Variants in DIP2C observed in about 807,000 individuals in gnomAD.
DIP2C encodes the protein DIP2 acetate--CoA ligase C (putative).
Under a neutral mutation model 192.4 loss-of-function variants are expected in DIP2C, and 33 were observed. That is an observed-to-expected ratio of 0.17 (90% CI 0.13 to 0.23). DIP2C has a LOEUF of 0.23. Among genes scored for constraint, DIP2C ranks in the 10% least tolerant of loss-of-function variants. The pLI is 1.00. For synonymous variants in DIP2C, 979 were observed against 864.1 expected (o/e 1.13, Z -2.33); for missense variants, 1,537 against 2,110.1 (o/e 0.73, Z 5.32).
At chr10:681,478 C>T (rs1466409095) in intron 1 of DIP2C, among the ~76,000 whole-genome samples, 1 of 151,808 alleles carries the variant, frequency 6.6e-6, no homozygotes, top group African/African-American at 2.4e-5. Context: ...GAACATAGAC[C>T]CCAGTCCCAT....
chr10:613,119 G>A (rs72774581), intron 1 of DIP2C, among the ~76,000 whole-genome samples: 7 of 152,150 alleles, frequency 4.6e-5, no homozygotes, highest in East Asian at 1.9e-4. Flanking sequence ...TGACTGCCTC[G>A]TCTGCAAAAA....
intron 1 of DIP2C, among the ~76,000 whole-genome samples, chr10:530,724 T>C (rs1387657631): frequency 6.6e-6 from 1 of 150,784 alleles, no homozygotes; most frequent in African/African-American, 2.4e-5. Context: ...AATAAATTAC[T>C]ATGTCAACAT....
intron 17 of DIP2C, among the ~76,000 whole-genome samples, chr10:375,619 G>A (rs750624158): frequency 5.3e-5 from 8 of 152,114 alleles, no homozygotes; most frequent in Admixed American, 3.9e-4. Flanking sequence ...CATTCCATAA[G>A]CCTTGCCCGC....
At chr10:643,285 C>T (rs1486714794) in intron 1 of DIP2C, among the ~76,000 whole-genome samples, 7 of 151,346 alleles carry the variant, frequency 4.6e-5, no homozygotes, top group Non-Finnish European at 1.0e-4. Flanking sequence ...GAGGCCAAGG[C>T]GGGTGGATCA....
intron 1 of DIP2C, among the ~76,000 whole-genome samples, chr10:619,228 A>G (rs1351812272): frequency 2.6e-5 from 4 of 152,226 alleles, no homozygotes; most frequent in African/African-American, 9.6e-5. Context: ...TTCGTGGGCT[A>G]GTTTTACTAC....
intron 17 of DIP2C, among the ~76,000 whole-genome samples, chr10:376,214 C>T (rs570518582): frequency 5.3e-5 from 8 of 151,936 alleles, no homozygotes; most frequent in African/African-American, 1.7e-4. Context: ...AAAGCAGGCG[C>T]GAGAGCAGCG....
At chr10:339,575 G>A (rs1182400077) in intron 29 of DIP2C, among the ~76,000 whole-genome samples, 2 of 152,126 alleles carry the variant, frequency 1.3e-5, no homozygotes, top group Non-Finnish European at 2.9e-5. Flanking sequence ...CAGTTTTACT[G>A]GTATACTTTG....
At chr10:530,042 C>T (rs1190540859) in intron 1 of DIP2C, among the ~76,000 whole-genome samples, 1 of 152,074 alleles carries the variant, frequency 6.6e-6, no homozygotes, top group African/African-American at 2.4e-5. Flanking sequence ...GGTGGATGCA[C>T]TCCGGTTGCC....
intron 1 of DIP2C, among the ~76,000 whole-genome samples, chr10:580,195 C>T (rs900175386): frequency 5.3e-5 from 8 of 151,452 alleles, no homozygotes; most frequent in East Asian, 2.0e-4. Flanking sequence ...GTAGTGTATA[C>T]ATATGCACAT....
At chr10:484,107 C>T (rs1007085672) in intron 2 of DIP2C, among the ~76,000 whole-genome samples, 3 of 152,226 alleles carry the variant, frequency 2.0e-5, no homozygotes, top group Non-Finnish European at 4.4e-5. Context: ...CCACCCCCGG[C>T]CTTGTATGTG....
At chr10:540,774 G>C (rs973945075) in intron 1 of DIP2C, among the ~76,000 whole-genome samples, 1 of 152,216 alleles carries the variant, frequency 6.6e-6, no homozygotes, top group Non-Finnish European at 1.5e-5. Context: ...CTTGCATCCT[G>C]TAAGGTGCAT....
At position 541,985 on chromosome 10, in the gene DIP2C, G is replaced by A. The variant is rs187223887; in HGVS notation, c.86-55455C>T. ...GCCTCTGGGCCGCGTGCCAGGACAC[G>A]CCCCTGGGGACTCCCAGTGCACACG... On this transcript the variant is annotated intron_variant, in intron 1 of 36. Transcript: ENST00000280886. Among the ~76,000 whole-genome samples, 183 of 152,278 alleles carry A rather than the reference G, an allele frequency of 1.2e-3. 1 individual carries two copies. The highest frequency in any genetic ancestry group is 4.1e-3 in the African/African-American group (169 of 41,538).
chr10:680,497 C>A (rs1831092124), intron 1 of DIP2C, among the ~76,000 whole-genome samples: 1 of 152,122 alleles, frequency 6.6e-6, no homozygotes, highest in Non-Finnish European at 1.5e-5. Context: ...TGCAGCACAA[C>A]AAACAACCTG....
At chr10:612,596 T>TG (rs1461507783) in intron 1 of DIP2C, among the ~76,000 whole-genome samples, 2 of 152,146 alleles carry the variant, frequency 1.3e-5, no homozygotes, top group East Asian at 3.9e-4. Flanking sequence ...ATCTGCATCT[T>TG]ATATTCCTCT....
At chr10:328,189 C>T (rs1021323431) in intron 30 of DIP2C, among the ~76,000 whole-genome samples, 9 of 152,178 alleles carry the variant, frequency 5.9e-5, no homozygotes, top group African/African-American at 2.2e-4. Flanking sequence ...TGTACAGACA[C>T]GACTGTACAC....
At chr10:411,348 C>T (rs938925527) in intron 8 of DIP2C, among the ~76,000 whole-genome samples, 3 of 152,078 alleles carry the variant, frequency 2.0e-5, no homozygotes, top group Non-Finnish European at 2.9e-5. Flanking sequence ...AACAGCACAG[C>T]GTGACTTATT....
chr10:328,980 T>C (rs1957386884), intron 30 of DIP2C, among the ~76,000 whole-genome samples: 1 of 152,224 alleles, frequency 6.6e-6, no homozygotes. Flanking sequence ...CACTGTTAAC[T>C]GAACTGTAAA....
chr10:599,360 G>A (rs528015737), intron 1 of DIP2C, among the ~76,000 whole-genome samples: 2 of 152,274 alleles, frequency 1.3e-5, no homozygotes, highest in East Asian at 3.9e-4. Flanking sequence ...GAAATATTTA[G>A]AAACAAATCC....
At chr10:498,965 C>A (rs1192062819) in intron 1 of DIP2C, among the ~76,000 whole-genome samples, 1 of 152,236 alleles carries the variant, frequency 6.6e-6, no homozygotes, top group East Asian at 1.9e-4. Flanking sequence ...CTGCTCTGCA[C>A]CGCACAGCAC....
Sources: gnomAD v4.1 joint callset for allele counts (sites outside exome capture counted in the v4.1 genomes callset) on GRCh38, gnomAD v4.1.1 for gene constraint, MANE v1.5 for transcripts, NCBI Gene and HGNC (gene_info 2026-07-23, HGNC 2026-07-21) for gene names.